Variants in SULT1B1 observed in about 807,000 individuals in gnomAD.
SULT1B1 encodes sulfotransferase 1B1.
SULT1B1 carries 28 observed loss-of-function variants against 34.6 expected under a neutral mutation model. That is an observed-to-expected ratio of 0.81 (90% CI 0.60 to 1.11). The LOEUF (loss-of-function observed/expected upper bound fraction) is 1.11. Among genes scored for constraint, SULT1B1 ranks in the 50% least tolerant of loss-of-function variants. The probability of loss-of-function intolerance (pLI) is 0.00; values close to 1 mark genes in which losing one functional copy is unlikely to be tolerated. For synonymous variants in SULT1B1, 147 were observed against 110.2 expected (o/e 1.33, Z -2.09); for missense variants, 374 against 352.2 (o/e 1.06, Z -0.50).
chr4:69,745,891 AG>A (rs777198474), intron 4 of SULT1B1, among the ~76,000 whole-genome samples: 4 of 152,200 alleles, frequency 2.6e-5, no homozygotes, highest in Non-Finnish European at 5.9e-5. Context: ...ACCTCTAGGA[AG>A]GCAAGTCTGA....
At position 69,726,030 on chromosome 4, in the gene SULT1B1, GTACA is replaced by G. The variant is rs1447258737; in HGVS notation, c.*1054_*1057del. ...GGAACTTAAAGTATAATAATAAAAT[GTACA>G]TATATATATATATATATATATATAT... is the stretch of plus-strand genomic sequence containing the variant. On this transcript the variant is annotated 3_prime_UTR_variant, in exon 8 of 8. Transcript: ENST00000310613. 1.2e-4 allele frequency: 5 copies of G among 42,064 alleles called. No homozygotes were observed. Among genetic ancestry groups the G allele is most frequent in the Admixed American group, 3.4e-4 (1 of 2,928 alleles). The allele number at this position is 42,064 out of a possible 1,614,324, so 2.6% of individuals were successfully genotyped here.
chr4:69,745,219 A>G (rs1459765253), intron 4 of SULT1B1, among the ~76,000 whole-genome samples: 1 of 152,178 alleles, frequency 6.6e-6, no homozygotes, highest in Non-Finnish European at 1.5e-5. Context: ...GTTGTTGGGT[A>G]GATGTCTGTT....
At chr4:69,736,698 C>T (rs904288497) in intron 4 of SULT1B1, among the ~76,000 whole-genome samples, 1 of 151,548 alleles carries the variant, frequency 6.6e-6, no homozygotes, top group African/African-American at 2.4e-5. Flanking sequence ...TGTATAATAA[C>T]TGAAATAAAT....
chr4:69,733,275 T>C lies in SULT1B1; in HGVS notation c.597+138A>G, dbSNP rs1718154306. ...TAGAAACTCATTAATTATAGCAAGA[T>C]TTGGGTAAAAACACATGGTGGATAG... On this transcript the variant is annotated intron_variant, in intron 6 of 7. Coordinates refer to ENST00000310613, the MANE Select transcript of SULT1B1 (RefSeq NM_014465.4). The C allele has an allele frequency of 5.6e-6, 3 of 537,214 alleles. No homozygotes were observed. The Admixed American group carries it at 9.2e-5, about 17-fold the overall frequency. 33.3% of individuals were successfully genotyped at this position (537,214 alleles called of 1,614,324 possible).
At chr4:69,759,773 C>T (rs1212720069) in intron 1 of SULT1B1, among the ~76,000 whole-genome samples, 1 of 152,108 alleles carries the variant, frequency 6.6e-6, no homozygotes, top group Non-Finnish European at 1.5e-5. Context: ...TGGAAAGGAA[C>T]AGGCTATTTA....
chr4:69,738,092 G>A (rs1393025707), intron 4 of SULT1B1, among the ~76,000 whole-genome samples: 1 of 152,092 alleles, frequency 6.6e-6, no homozygotes, highest in Non-Finnish European at 1.5e-5. Flanking sequence ...TACCTTCCAT[G>A]CATAAGTGAG....
At chr4:69,739,949 G>A (rs1718477740) in intron 4 of SULT1B1, among the ~76,000 whole-genome samples, 2 of 152,124 alleles carry the variant, frequency 1.3e-5, no homozygotes, top group Non-Finnish European at 2.9e-5. Flanking sequence ...ACCTCAGCCT[G>A]GACTTCATTG....
At chr4:69,743,138 C>T (rs1485332176) in intron 4 of SULT1B1, among the ~76,000 whole-genome samples, 1 of 152,184 alleles carries the variant, frequency 6.6e-6, no homozygotes, top group African/African-American at 2.4e-5. Flanking sequence ...TGTTTCAGGC[C>T]TGTTTGTGTT....
chr4:69,736,675 T>C (rs1718327989), intron 4 of SULT1B1, among the ~76,000 whole-genome samples: 1 of 151,966 alleles, frequency 6.6e-6, no homozygotes, highest in Non-Finnish European at 1.5e-5. Flanking sequence ...ATATGGAAAT[T>C]ATAGATCTGC....
At position 69,738,698 on chromosome 4, in the gene SULT1B1, T is replaced by C. The variant is rs534734246; in HGVS notation, c.376-4434A>G. Reference sequence around the variant, plus strand: ...GTCCTCACATTTCAAAACACAATTATGTGCTTCCAACAGTCCCCCAAAGTC... The same window carrying C: ...GTCCTCACATTTCAAAACACAATTACGTGCTTCCAACAGTCCCCCAAAGTC... On this transcript the variant is annotated intron_variant, in intron 4 of 7. Transcript: ENST00000310613. Among the ~76,000 whole-genome samples the C allele has an allele frequency of 7.9e-5, 12 of 152,288 alleles. No homozygotes were observed. The South Asian group carries it at 1.9e-3, about 24-fold the overall frequency.
At position 69,724,994 on chromosome 4, in the gene SULT1B1, T is replaced by C. The variant is rs1443067099; in HGVS notation, c.*2094A>G. The C allele has an allele frequency of 6.6e-6, 1 of 152,020 alleles. No individual in the cohort carries two copies. The highest frequency in any genetic ancestry group is 1.5e-5 in the Non-Finnish European group (1 of 68,000). 9.4% of individuals were successfully genotyped at this position (152,020 alleles called of 1,614,324 possible). ...TTCATGTCTAAAACACCAAAAGCAA[T>C]GGCAACAAAAGCCAAAATTGACAAA... is the stretch of plus-strand genomic sequence containing the variant. On this transcript the variant is annotated 3_prime_UTR_variant, in exon 8 of 8. Coordinates refer to ENST00000310613, the MANE Select transcript of SULT1B1 (RefSeq NM_014465.4).
chr4:69,747,708 A>G (rs1256124095), intron 4 of SULT1B1, among the ~76,000 whole-genome samples: 1 of 152,150 alleles, frequency 6.6e-6, no homozygotes, highest in Non-Finnish European at 1.5e-5. Context: ...TCTCCCTGCC[A>G]GCTAAAATGT....
At chr4:69,741,368 CT>C (rs1453295096) in intron 4 of SULT1B1, among the ~76,000 whole-genome samples, 2 of 151,990 alleles carry the variant, frequency 1.3e-5, no homozygotes, top group Non-Finnish European at 2.9e-5. Context: ...TATTTGGGTT[CT>C]TTTTTTGTTC....
intron 2 of SULT1B1, 76 bp downstream of exon 2, chr4:69,754,994 T>C (rs561589280): frequency 1.5e-5 from 21 of 1,367,626 alleles, no homozygotes; most frequent in Admixed American, 9.7e-5. Context: ...AGAATGGTAA[T>C]GATTTTATGG....
chr4:69,757,801 A>T (rs946351613), intron 1 of SULT1B1, among the ~76,000 whole-genome samples: 37 of 152,136 alleles, frequency 2.4e-4, no homozygotes, highest in Non-Finnish European at 8.8e-5. Flanking sequence ...ATAGAGTGAA[A>T]ATTAATAAAA....
At position 69,734,180 on chromosome 4, in the gene SULT1B1, C is replaced by T. The variant is rs763585222; in HGVS notation, c.460G>A (p.Gly154Ser). 23 of 1,610,518 alleles carry T rather than the reference C, an allele frequency of 1.4e-5. No individual in the cohort carries two copies. The highest frequency in any genetic ancestry group is 1.4e-5 in the Non-Finnish European group (17 of 1,178,492). Residue 154 changes from glycine (G) to serine (S), a missense_variant, in exon 5 of 8, where the codon GGT becomes AGT. By Grantham distance (56) the Gly-to-Ser change is moderately conservative. Transcript: ENST00000310613. Reference sequence around the variant, plus strand: ...TTCTCCAGATATTCTTCCCAGGTACCAGGAAAAGGCTGTAAATTATTCATT... The same window carrying T: ...TTCTCCAGATATTCTTCCCAGGTACTAGGAAAAGGCTGTAAATTATTCATT... ...DLMNNLQPFP[G>S]TWEEYLEKFL...
Position 69,758,530 on chromosome 4 carries a change from G to T in SULT1B1, c.-45+1929C>A, listed in dbSNP as rs986513760. ...AATGGCACACCTCATTTCAAAAATT[G>T]TCTATTCTGAATTAATTGAGAAAAA... On this transcript the variant is annotated intron_variant, in intron 1 of 7. Transcript: ENST00000310613. The T allele has an allele frequency of 5.3e-6, 5 of 948,672 alleles. No individual in the cohort carries two copies. The African/African-American group carries it at 8.9e-5, about 17-fold the overall frequency. 58.8% of individuals were successfully genotyped at this position (948,672 alleles called of 1,614,324 possible). A position where few individuals can be genotyped will look rare whatever the true frequency, so the allele number is the denominator to read the frequency against.
chr4:69,729,457 T>G (rs967839764), intron 7 of SULT1B1, among the ~76,000 whole-genome samples: 3 of 152,056 alleles, frequency 2.0e-5, no homozygotes, highest in African/African-American at 7.2e-5. Flanking sequence ...AGCATACAGA[T>G]AAGATATATA....
intron 3 of SULT1B1, among the ~76,000 whole-genome samples, chr4:69,751,462 G>T (rs73826835): frequency 6.6e-6 from 1 of 152,166 alleles, no homozygotes. Flanking sequence ...TTGTTTGTTT[G>T]TTTATTTGAG....
Sources: allele counts gnomAD v4.1 joint callset (sites outside exome capture counted in the v4.1 genomes callset), GRCh38; gene constraint gnomAD v4.1.1; transcripts MANE v1.5; gene names NCBI Gene and HGNC (gene_info 2026-07-23, HGNC 2026-07-21).